Variants in PLBD1 observed in about 807,000 individuals in gnomAD.
The protein encoded by PLBD1 is phospholipase B domain containing 1.
Under a neutral mutation model 63.0 loss-of-function variants are expected in PLBD1, and 60 were observed. The ratio of observed to expected loss-of-function variants is 0.95; its 90% CI spans 0.77 to 1.18. The LOEUF is 1.18. Among genes scored for constraint, PLBD1 ranks in the 50% most tolerant of loss-of-function variants. The probability of loss-of-function intolerance (pLI) is 0.00; values close to 1 mark genes in which losing one functional copy is unlikely to be tolerated. For missense variants in PLBD1, 598 were observed against 677.9 expected (o/e 0.88, Z 1.31); for synonymous variants, 262 against 248.0 (o/e 1.06, Z -0.53).
intron 6 of PLBD1, among the ~76,000 whole-genome samples, chr12:14,526,108 T>C (rs969570258): frequency 6.6e-6 from 1 of 151,892 alleles, no homozygotes; most frequent in African/African-American, 2.4e-5. Context: ...AGAGATGAAA[T>C]GAACTAAATA....
intron 1 of PLBD1, among the ~76,000 whole-genome samples, chr12:14,563,528 CAA>C (rs60358055): frequency 2.0e-5 from 3 of 151,534 alleles, no homozygotes; most frequent in Admixed American, 6.6e-5. Context: ...AAAAAAACAA[CAA>C]AAAAAAAATT....
At chr12:14,552,645 A>T (rs980273148) in intron 2 of PLBD1, among the ~76,000 whole-genome samples, 5 of 152,186 alleles carry the variant, frequency 3.3e-5, no homozygotes, top group African/African-American at 1.2e-4. Flanking sequence ...TCACACCTGT[A>T]ATTCCAACAC....
At chr12:14,516,315 C>T (rs10128849) in intron 6 of PLBD1, among the ~76,000 whole-genome samples, 3,146 of 152,118 alleles carry the variant, frequency 0.021, 95 homozygotes, top group African/African-American at 0.071. Context: ...GGTGACAGAG[C>T]GACACTCCAT....
chr12:14,516,003 C>CTCCA (rs1945333703), intron 6 of PLBD1, among the ~76,000 whole-genome samples: 1 of 151,192 alleles, frequency 6.6e-6, no homozygotes, highest in Admixed American at 6.6e-5. Context: ...GGCCACTGCA[C>CTCCA]TCCAGCCTGG....
At chr12:14,516,836 C>T (rs146821140) in intron 6 of PLBD1, among the ~76,000 whole-genome samples, 123 of 151,968 alleles carry the variant, frequency 8.1e-4, no homozygotes, top group Non-Finnish European at 1.4e-3. Flanking sequence ...TTCAGGAGTT[C>T]GAGATTAGCC....
intron 6 of PLBD1, among the ~76,000 whole-genome samples, chr12:14,532,223 C>T (rs1280557387): frequency 2.6e-5 from 4 of 152,124 alleles, no homozygotes; most frequent in Admixed American, 6.5e-5. Context: ...TAGGAAGTCA[C>T]ATCACCAACT....
chr12:14,511,950 G>T (rs192881531), intron 6 of PLBD1, among the ~76,000 whole-genome samples: 1 of 152,106 alleles, frequency 6.6e-6, no homozygotes, highest in African/African-American at 2.4e-5. Flanking sequence ...TTTATTTTGT[G>T]ATTTGAAATA....
At chr12:14,560,859 T>C (rs7134154) in intron 1 of PLBD1, among the ~76,000 whole-genome samples, 44,305 of 151,832 alleles carry the variant, frequency 0.29, 6,830 homozygotes, top group South Asian at 0.49. Flanking sequence ...TGGTTTCCAC[T>C]GTGGACACAG....
Position 14,503,939 on chromosome 12 carries a change from G to C in PLBD1, c.1495C>G (p.Leu499Val). 2 of 1,599,414 alleles carry C rather than the reference G, an allele frequency of 1.3e-6. No individual in the cohort carries two copies. The highest frequency in any genetic ancestry group is 1.7e-6 in the Non-Finnish European group (2 of 1,172,062). Reference protein sequence around the residue: ...CYDTKVADIYLASQYTSYAIS... With the variant: ...CYDTKVADIYVASQYTSYAIS... Reference sequence around the variant, plus strand: ...GCATAGGATGTGTACTGAGATGCTAGGTAGATATCTGCCACCTGGAAAGAG... The same window carrying C: ...GCATAGGATGTGTACTGAGATGCTACGTAGATATCTGCCACCTGGAAAGAG... The change falls in exon 11 of 11, where the codon CTA (leucine) becomes GTA (valine). Residue 499 changes from leucine (L) to valine (V), a missense_variant. Transcript: ENST00000240617.
chr12:14,534,002 G>T (rs1945489261), intron 6 of PLBD1, among the ~76,000 whole-genome samples: 1 of 152,132 alleles, frequency 6.6e-6, no homozygotes, highest in African/African-American at 2.4e-5. Context: ...TAAAAAATTA[G>T]TCAGGCATGG....
chr12:14,550,301 A>C (rs1945646560), intron 2 of PLBD1, among the ~76,000 whole-genome samples: 1 of 151,900 alleles, frequency 6.6e-6, no homozygotes, highest in South Asian at 2.1e-4. Flanking sequence ...TCTCTGCCCC[A>C]CTCCTGATCA....
intron 1 of PLBD1, among the ~76,000 whole-genome samples, chr12:14,558,979 C>T (rs774546618): frequency 3.3e-5 from 5 of 152,218 alleles, no homozygotes; most frequent in Non-Finnish European, 5.9e-5. Flanking sequence ...TCACTCCACT[C>T]CAACCGAGGT....
chr12:14,553,666 CT>C, intron 1 of PLBD1: 1 of 535,334 alleles, frequency 1.9e-6, no homozygotes, highest in Non-Finnish European at 3.4e-6. Flanking sequence ...AGAGGTGAGC[CT>C]GAGTGTTTCA....
chr12:14,560,980 C>A (rs1435499078), intron 1 of PLBD1, among the ~76,000 whole-genome samples: 1 of 151,848 alleles, frequency 6.6e-6, no homozygotes, highest in African/African-American at 2.4e-5. Flanking sequence ...AGGGTTAACT[C>A]CCTCACTCCA....
At chr12:14,540,705 T>C (rs931204581) in intron 4 of PLBD1, 59 bp downstream of exon 4, 211 of 1,423,414 alleles carry the variant, frequency 1.5e-4, no homozygotes, top group Non-Finnish European at 1.9e-4. Flanking sequence ...ATTTTAAAGA[T>C]AACATTCAAT....
rs1360014294 is a variant in PLBD1, at chr12:14,553,347, C to A, written c.181G>T (p.Asp61Tyr). The A allele has an allele frequency of 6.2e-7, 1 of 1,614,184 alleles. No individual in the cohort carries two copies. The highest frequency in any genetic ancestry group is 8.5e-7 in the Non-Finnish European group (1 of 1,180,044). The change falls in exon 2 of 11, where the codon GAC becomes TAC. Residue 61 changes from aspartate (D) to tyrosine (Y), a missense_variant. By Grantham distance (160) the Asp-to-Tyr change is radical. Coordinates refer to ENST00000240617, the MANE Select transcript of PLBD1 (RefSeq NM_024829.6). ...EKTVQVKNVM[D>Y]KNGDAYGFYN... ...AAGCCATAGGCGTCCCCATTCTTGT[C>A]CATTACATTTTTGACTTGTACTGTC...
intron 6 of PLBD1, among the ~76,000 whole-genome samples, chr12:14,533,501 A>G (rs1021375035): frequency 6.6e-6 from 1 of 152,232 alleles, no homozygotes; most frequent in Non-Finnish European, 1.5e-5. Flanking sequence ...AAAATCTTCC[A>G]TGACCTTCTC....
At chr12:14,535,848 C>A in intron 5 of PLBD1, 45 bp from the exon 6 acceptor site, 2 of 1,584,746 alleles carry the variant, frequency 1.3e-6, no homozygotes, top group Non-Finnish European at 1.7e-6. Flanking sequence ...ACATAGCTAA[C>A]TGACTGCAAT....
Position 14,503,736 on chromosome 12 carries a change from C to CTTAT in PLBD1, c.*32_*35dup. The stretch of plus-strand genomic sequence containing the variant: ...ATAGCTAAAATAGTGCCTTTGGTAT[C>CTTAT]TTATTTACAGTCTTCTAGTCCGTCA... On this transcript the variant is annotated 3_prime_UTR_variant, in exon 11 of 11. Coordinates refer to ENST00000240617, the MANE Select transcript of PLBD1 (RefSeq NM_024829.6). 6.4e-7 allele frequency: 1 copy of CTTAT among 1,556,388 alleles called. No homozygotes were observed. Among genetic ancestry groups the CTTAT allele is most frequent in the African/African-American group, 1.4e-5 (1 of 73,204 alleles).
Sources: gnomAD v4.1 joint callset for allele counts (sites outside exome capture counted in the v4.1 genomes callset) on GRCh38, gnomAD v4.1.1 for gene constraint, MANE v1.5 for transcripts, NCBI Gene and HGNC (gene_info 2026-07-23, HGNC 2026-07-21) for gene names.